KANSL1: variants seen among roughly 807,000 people sequenced by gnomAD.
KANSL1 encodes the protein KAT8 regulatory NSL complex subunit 1.
A neutral mutation model predicts 103.6 loss-of-function variants in KANSL1; 22 were observed. That is an observed-to-expected ratio of 0.21 (90% CI 0.15 to 0.30). The LOEUF (loss-of-function observed/expected upper bound fraction) is 0.30. KANSL1 is among the 10% of genes least tolerant of loss of function. The pLI is 1.00. For missense variants in KANSL1, 1,337 were observed against 1,399.8 expected, an observed-to-expected ratio of 0.96 and a Z score of 0.72; for synonymous variants, 600 against 527.6, an observed-to-expected ratio of 1.14 and a Z score of -1.88.
intron 3 of KANSL1, among the ~76,000 whole-genome samples, chr17:46,087,330 T>C (rs1489617717): frequency 1.3e-5 from 2 of 152,216 alleles, no homozygotes; most frequent in Non-Finnish European, 2.9e-5. Context: ...AAGTTCACTA[T>C]GGCATTCAAA....
intron 3 of KANSL1, among the ~76,000 whole-genome samples, chr17:46,083,747 T>C (rs935603688): frequency 6.6e-6 from 1 of 150,678 alleles, no homozygotes; most frequent in Non-Finnish European, 1.5e-5. Context: ...AGTCCTAAAC[T>C]TGTAAAGTTG....
intron 3 of KANSL1, chr17:46,093,947 C>G (rs1168599700): frequency 6.6e-6 from 1 of 152,274 alleles, no homozygotes; most frequent in Non-Finnish European, 1.5e-5. Context: ...AGTTTTATAA[C>G]AGGGAACTAA....
intron 2 of KANSL1, among the ~76,000 whole-genome samples, chr17:46,159,094 T>C (rs1383167942): frequency 4.6e-5 from 7 of 152,288 alleles, no homozygotes; most frequent in Middle Eastern, 3.4e-3. Flanking sequence ...TGCTGGAGCT[T>C]TGCACTAACT....
chr17:46,156,408 T>C (rs1175733715), intron 2 of KANSL1, among the ~76,000 whole-genome samples: 3 of 152,182 alleles, frequency 2.0e-5, no homozygotes, highest in African/African-American at 7.2e-5. Flanking sequence ...ATAGTGTTTA[T>C]ATGGAGAACT....
intron 2 of KANSL1, among the ~76,000 whole-genome samples, chr17:46,128,763 T>C (rs1439295793): frequency 6.6e-6 from 1 of 152,122 alleles, no homozygotes; most frequent in African/African-American, 2.4e-5. Flanking sequence ...ACAACACCAA[T>C]GAGGTAAATA....
intron 2 of KANSL1, among the ~76,000 whole-genome samples, chr17:46,170,075 G>A (rs1376632935): frequency 6.6e-6 from 1 of 152,188 alleles, no homozygotes; most frequent in Non-Finnish European, 1.5e-5. Flanking sequence ...CCAGGAGCCA[G>A]AGGCTTCAGT....
chr17:46,057,698 T>C (rs1260938176), intron 6 of KANSL1, among the ~76,000 whole-genome samples: 1 of 152,186 alleles, frequency 6.6e-6, no homozygotes, highest in Non-Finnish European at 1.5e-5. Context: ...GTTTTTTAAA[T>C]GCACTAAAAA....
At chr17:46,091,802 T>C (rs1654210945) in intron 3 of KANSL1, among the ~76,000 whole-genome samples, 1 of 151,856 alleles carries the variant, frequency 6.6e-6, no homozygotes, top group African/African-American at 2.4e-5. Flanking sequence ...ATTAAGTATG[T>C]ATATATGTAA....
chr17:46,170,108 C>A (rs1017777163), intron 2 of KANSL1, among the ~76,000 whole-genome samples: 1 of 152,188 alleles, frequency 6.6e-6, no homozygotes, highest in Non-Finnish European at 1.5e-5. Context: ...CACTACTGCA[C>A]TCCTGCACTC....
chr17:46,046,843 A>G (rs1159921561), intron 7 of KANSL1, among the ~76,000 whole-genome samples: 2 of 146,876 alleles, frequency 1.4e-5, no homozygotes, highest in African/African-American at 2.5e-5. Flanking sequence ...TCAAAAGTAA[A>G]AAAAAAAAAA....
rs2048432754 is a variant in KANSL1, at chr17:46,219,103, A to C, written c.-90+4568T>G. Reference sequence around the variant, plus strand: ...TGGTGAAACCCCATCTCTACTAAAAATAAAAAAAAAATTAGCTGGCCATGG... The same window carrying C: ...TGGTGAAACCCCATCTCTACTAAAACTAAAAAAAAAATTAGCTGGCCATGG... On this transcript the variant is annotated intron_variant, in intron 1 of 14. Coordinates refer to the KANSL1 transcript ENST00000572904. Among the ~76,000 whole-genome samples, 3 of 151,922 alleles carry C rather than the reference A, an allele frequency of 2.0e-5. No homozygotes were observed. The South Asian group carries it at 6.2e-4, about 32-fold the overall frequency.
In KANSL1 at chr17:46,171,445, AGAG is replaced by A. The variant is rs777578145; in HGVS notation, c.696_698del (p.Ser233del). 7 of 1,613,996 alleles carry A rather than the reference AGAG, an allele frequency of 4.3e-6. No individual in the cohort carries two copies. The highest frequency in any genetic ancestry group is 2.2e-5 in the South Asian group (2 of 91,090). On this transcript the variant is annotated inframe_deletion, in exon 2 of 15. Transcript: ENST00000432791. ...GTGCCGGCTGTTCCATGGAATTGAC[AGAG>A]GATTTGTTTGCAGTGCTATTATTGC...
chr17:46,081,249 G>C (rs977534308), intron 4 of KANSL1, among the ~76,000 whole-genome samples: 21 of 152,236 alleles, frequency 1.4e-4, no homozygotes, highest in African/African-American at 4.1e-4. Context: ...TATCTACATA[G>C]AACTTACTCC....
upstream of KANSL1, chr17:46,225,038 C>A (rs952002603): frequency 2.6e-5 from 4 of 151,588 alleles, no homozygotes; most frequent in African/African-American, 9.7e-5. Context: ...CGGCCCGCCC[C>A]CCGGGCAGCC....
chr17:46,036,390 T>C (rs946753450), intron 10 of KANSL1, among the ~76,000 whole-genome samples: 1 of 152,048 alleles, frequency 6.6e-6, no homozygotes, highest in African/African-American at 2.4e-5. Flanking sequence ...TTTGTATCCA[T>C]GGGTTCAACC....
chr17:46,116,333 A>G (rs1457959614), intron 2 of KANSL1, among the ~76,000 whole-genome samples: 1 of 152,192 alleles, frequency 6.6e-6, no homozygotes, highest in Non-Finnish European at 1.5e-5. Flanking sequence ...GATCAAGACC[A>G]TCCTGGCTAA....
At chr17:46,151,480 A>T (rs1289314608) in intron 2 of KANSL1, among the ~76,000 whole-genome samples, 3 of 152,174 alleles carry the variant, frequency 2.0e-5, no homozygotes, top group Non-Finnish European at 2.9e-5. Context: ...CATAACCATC[A>T]CTTTCAATCT....
At chr17:46,150,084 GAACTT>G (rs1416487235) in intron 2 of KANSL1, among the ~76,000 whole-genome samples, 7 of 129,472 alleles carry the variant, frequency 5.4e-5, no homozygotes, top group Non-Finnish European at 1.0e-4. Flanking sequence ...AAAAAAAATA[GAACTT>G]AACATTCCTT....
At chr17:46,045,633 C>A (rs547187020) in intron 7 of KANSL1, 1 of 152,252 alleles carries the variant, frequency 6.6e-6, no homozygotes, top group African/African-American at 2.4e-5. Flanking sequence ...TCTTTCCATT[C>A]CCCCTCATTG....
Sources: gnomAD v4.1 joint callset for allele counts (sites outside exome capture counted in the v4.1 genomes callset) on GRCh38, gnomAD v4.1.1 for gene constraint, MANE v1.5 for transcripts, NCBI Gene and HGNC (gene_info 2026-07-23, HGNC 2026-07-21) for gene names.